The following SLC25A12 variants were observed in gnomAD, a reference collection of about 807,000 sequenced individuals.
SLC25A12 encodes the protein solute carrier family 25 member 12, also known as electrogenic aspartate/glutamate antiporter SLC25A12, mitochondrial.
In SLC25A12, 32 loss-of-function variants were observed where a neutral mutation model predicts 83.3. The ratio of observed to expected loss-of-function variants is 0.38; its 90% CI spans 0.29 to 0.52. The LOEUF (loss-of-function observed/expected upper bound fraction) is 0.52. SLC25A12 is among the 20% of genes least tolerant of loss of function. SLC25A12 has a pLI of 0.84. For missense variants in SLC25A12, 611 were observed against 835.6 expected (o/e 0.73, Z 3.31); for synonymous variants, 267 against 291.1 (o/e 0.92, Z 0.84).
intron 4 of SLC25A12, among the ~76,000 whole-genome samples, chr2:171,844,998 G>A (rs1684763027): frequency 6.6e-6 from 1 of 152,052 alleles, no homozygotes; most frequent in Non-Finnish European, 1.5e-5. Flanking sequence ...ATAGGTATAA[G>A]AAAAACTATC....
chr2:171,831,697 A>G (rs1684434894), intron 8 of SLC25A12, among the ~76,000 whole-genome samples: 1 of 152,092 alleles, frequency 6.6e-6, no homozygotes. Context: ...TCTGAGGTCA[A>G]AAGTTTGAGA....
At chr2:171,890,255 G>A (rs1685903014) in intron 2 of SLC25A12, among the ~76,000 whole-genome samples, 1 of 152,200 alleles carries the variant, frequency 6.6e-6, no homozygotes, top group Admixed American at 6.5e-5. Flanking sequence ...AATATGTTAA[G>A]TGCTAAAGAA....
At chr2:171,810,357 A>T in intron 11 of SLC25A12, 81 bp from the exon 12 acceptor site, 2 of 1,133,462 alleles carry the variant, frequency 1.8e-6, no homozygotes, top group African/African-American at 3.0e-5. Context: ...AGTTTCCCCC[A>T]TATTATTTAC....
chr2:171,850,655 G>A (rs1477073633), intron 4 of SLC25A12, among the ~76,000 whole-genome samples: 1 of 152,014 alleles, frequency 6.6e-6, no homozygotes, highest in African/African-American at 2.4e-5. Context: ...ATGAGCCACT[G>A]CACCCGGCCC....
intron 13 of SLC25A12, among the ~76,000 whole-genome samples, chr2:171,800,355 G>A (rs905636878): frequency 1.2e-4 from 18 of 149,298 alleles, no homozygotes; most frequent in African/African-American, 3.4e-4. Context: ...ACACATATAC[G>A]AATAGCCAAT....
intron 3 of SLC25A12, among the ~76,000 whole-genome samples, chr2:171,866,528 G>A (rs1468595691): frequency 2.1e-5 from 3 of 145,980 alleles, no homozygotes; most frequent in Admixed American, 6.7e-5. Context: ...CTTCCCAGTA[G>A]GGGCGGCCGG....
At chr2:171,857,301 G>A (rs1685066228) in intron 3 of SLC25A12, among the ~76,000 whole-genome samples, 1 of 152,160 alleles carries the variant, frequency 6.6e-6, no homozygotes, top group East Asian at 1.9e-4. Flanking sequence ...AGCCCAGGAA[G>A]TAGAGGCTGT....
chr2:171,786,402 AAAG>A (rs1399803905), intron 17 of SLC25A12, among the ~76,000 whole-genome samples: 2 of 151,320 alleles, frequency 1.3e-5, no homozygotes, highest in Non-Finnish European at 2.9e-5. Context: ...AAAAAAAAAA[AAAG>A]AGAGAGAGAG....
At chr2:171,794,604 G>A (rs1242817398) in intron 13 of SLC25A12, among the ~76,000 whole-genome samples, 1 of 147,764 alleles carries the variant, frequency 6.8e-6, no homozygotes, top group African/African-American at 2.5e-5. Flanking sequence ...AAAAAAAAAC[G>A]TTTAACAAAA....
At chr2:171,824,546 C>T (rs1028977139) in intron 9 of SLC25A12, among the ~76,000 whole-genome samples, 1 of 152,140 alleles carries the variant, frequency 6.6e-6, no homozygotes, top group Non-Finnish European at 1.5e-5. Context: ...ACATGCAACA[C>T]TGCAAAATAT....
intron 4 of SLC25A12, 86 bp from the exon 5 acceptor site, chr2:171,844,594 A>C: frequency 1.0e-6 from 1 of 989,338 alleles, no homozygotes; most frequent in African/African-American, 1.6e-5. Flanking sequence ...AAAAATTAAG[A>C]GAAGTTTTAA....
At chr2:171,831,703 T>C (rs1684435071) in intron 8 of SLC25A12, among the ~76,000 whole-genome samples, 1 of 152,016 alleles carries the variant, frequency 6.6e-6, no homozygotes. Context: ...GTCAAAAGTT[T>C]GAGACCAGCC....
At chr2:171,862,863 G>A (rs1685192535) in intron 3 of SLC25A12, among the ~76,000 whole-genome samples, 2 of 98,212 alleles carry the variant, frequency 2.0e-5, no homozygotes, top group Non-Finnish European at 4.8e-5. Flanking sequence ...CCTGGGTTAA[G>A]GGGTAGAAAA....
intron 13 of SLC25A12, 42 bp downstream of exon 13, chr2:171,809,564 G>A (rs1558914459): frequency 7.6e-6 from 11 of 1,444,336 alleles, no homozygotes; most frequent in African/African-American, 1.4e-5. Flanking sequence ...AAAGGTCAAC[G>A]GAATGTATTT....
intron 3 of SLC25A12, among the ~76,000 whole-genome samples, chr2:171,861,206 T>C (rs905710752): frequency 3.3e-5 from 5 of 152,040 alleles, no homozygotes; most frequent in Admixed American, 1.3e-4. Context: ...CTTTCAACTT[T>C]CTTGAATGTT....
Position 171,787,849 on chromosome 2 carries a change from C to A in SLC25A12, c.1684G>T (p.Asp562Tyr). 1 of 1,614,178 alleles carries A rather than the reference C, an allele frequency of 6.2e-7. No individual in the cohort carries two copies. Among genetic ancestry groups the A allele is most frequent in the South Asian group, 1.1e-5 (1 of 91,074 alleles). The change falls in exon 16 of 18, where the codon GAC (aspartate) becomes TAC (tyrosine). Residue 562 changes from aspartate to tyrosine, a missense_variant. Transcript: ENST00000422440. ...TCCCGGAGAATCTTCCTGAAACAGT[C>A]GATGACACCACTGTATGTCGTCTGG... Reference protein sequence around the residue: ...AGQTTYSGVIDCFRKILREEG... With the variant: ...AGQTTYSGVIYCFRKILREEG...
chr2:171,893,122 T>C lies in SLC25A12; in HGVS notation c.66+83A>G. On this transcript the variant is annotated intron_variant, in intron 2 of 17. Transcript: ENST00000422440. ...AGAATACATGAAAACTGAACATTCCTCAAAGTTAAGGCATGAATAGGACTA... is the reference window on the plus strand; with the variant it reads ...AGAATACATGAAAACTGAACATTCCCCAAAGTTAAGGCATGAATAGGACTA... 7.4e-6 allele frequency: 8 copies of C among 1,083,912 alleles called. No homozygotes were observed. The South Asian group carries it at 1.0e-4, about 14-fold the overall frequency. 67.1% of individuals were successfully genotyped at this position (1,083,912 alleles called of 1,614,324 possible).
chr2:171,893,916 G>A (rs1452126470), intron 1 of SLC25A12, among the ~76,000 whole-genome samples: 2 of 151,766 alleles, frequency 1.3e-5, no homozygotes. Context: ...TCCAACTCCG[G>A]ACTCACAATC....
intron 2 of SLC25A12, among the ~76,000 whole-genome samples, chr2:171,885,865 T>C (rs1685807206): frequency 6.6e-6 from 1 of 152,214 alleles, no homozygotes; most frequent in Non-Finnish European, 1.5e-5. Context: ...GGCTCTGAAT[T>C]GCTAAATTCT....
Sources: allele counts gnomAD v4.1 joint callset (sites outside exome capture counted in the v4.1 genomes callset), GRCh38; gene constraint gnomAD v4.1.1; transcripts MANE v1.5; gene names NCBI Gene and HGNC (gene_info 2026-07-23, HGNC 2026-07-21).